The following COL4A3 variants were observed in gnomAD, a reference collection of about 807,000 sequenced individuals.
The protein encoded by COL4A3 is collagen type IV alpha 3 chain.
In COL4A3, 135 loss-of-function variants were observed where a neutral mutation model predicts 217.4. That is an observed-to-expected ratio of 0.62 (90% CI 0.54 to 0.72). The LOEUF is 0.72. COL4A3 is among the 30% of genes least tolerant of loss of function. The probability of loss-of-function intolerance (pLI) is 0.00; values close to 1 mark genes in which losing one functional copy is unlikely to be tolerated. For synonymous variants in COL4A3, 690 were observed against 736.3 expected (o/e 0.94, Z 1.02); for missense variants, 1,868 against 2,119.9 (o/e 0.88, Z 2.33).
chr2:227,215,924 T>C (rs979562551), intron 1 of COL4A3, among the ~76,000 whole-genome samples: 1 of 152,218 alleles, frequency 6.6e-6, no homozygotes, highest in Non-Finnish European at 1.5e-5. Flanking sequence ...GTTTACATGC[T>C]ACAACATAGA....
intron 34 of COL4A3, among the ~76,000 whole-genome samples, chr2:227,285,270 C>T (rs921561016): frequency 3.1e-5 from 2 of 65,074 alleles, no homozygotes; most frequent in Non-Finnish European, 5.8e-5. Flanking sequence ...ACATGTACTG[C>T]CAAACCTAAA....
At chr2:227,173,207 TATC>T (rs1380749508) in intron 1 of COL4A3, among the ~76,000 whole-genome samples, 1 of 152,174 alleles carries the variant, frequency 6.6e-6, no homozygotes, top group Non-Finnish European at 1.5e-5. Context: ...TTAGTTTTAA[TATC>T]ATTTCTATAA....
intron 26 of COL4A3, 94 bp downstream of exon 26, chr2:227,273,211 G>T: frequency 7.6e-7 from 1 of 1,324,428 alleles, no homozygotes; most frequent in East Asian, 2.3e-5. Context: ...GGAAAATATA[G>T]AAACTTGCTT....
intron 51 of COL4A3, 78 bp downstream of exon 51, chr2:227,311,026 C>G (rs989700570): frequency 6.6e-7 from 1 of 1,507,138 alleles, no homozygotes; most frequent in African/African-American, 1.4e-5. Context: ...CTTGGGTCAA[C>G]GAGTAGCCAT....
At chr2:227,287,746 C>T (rs938483937) in intron 34 of COL4A3, among the ~76,000 whole-genome samples, 15 of 152,106 alleles carry the variant, frequency 9.9e-5, no homozygotes, top group African/African-American at 2.9e-4. Context: ...TAAAAAATAC[C>T]ACCTCTTTCA....
chr2:227,184,990 C>T (rs1318094099), intron 1 of COL4A3, among the ~76,000 whole-genome samples: 1 of 149,478 alleles, frequency 6.7e-6, no homozygotes, highest in East Asian at 2.0e-4. Context: ...CAAGCTCCGC[C>T]TCCCAGGTTC....
chr2:227,277,902 A>C (rs967899675), intron 28 of COL4A3, among the ~76,000 whole-genome samples: 1 of 141,416 alleles, frequency 7.1e-6, no homozygotes, highest in Non-Finnish European at 1.5e-5. Context: ...CAGGAGGCTG[A>C]GGCACAAGAC....
At chr2:227,200,521 T>C (rs1000146156) in intron 1 of COL4A3, among the ~76,000 whole-genome samples, 1 of 152,226 alleles carries the variant, frequency 6.6e-6, no homozygotes, top group African/African-American at 2.4e-5. Flanking sequence ...ATAGATGTAA[T>C]AGTTGCCCTA....
chr2:227,296,454 T>C (rs116628473), intron 41 of COL4A3: 17,239 of 954,102 alleles, frequency 0.018, 189 homozygotes, highest in Middle Eastern at 0.046. Context: ...CCTAATTATG[T>C]AAGTGAATGA....
At chr2:227,264,331 T>A (rs1045595937) in intron 21 of COL4A3, among the ~76,000 whole-genome samples, 2 of 151,966 alleles carry the variant, frequency 1.3e-5, no homozygotes, top group Non-Finnish European at 2.9e-5. Flanking sequence ...GGTCAAAGAT[T>A]TCCCCCCAAG....
At chr2:227,290,920 G>T in intron 37 of COL4A3, 34 bp downstream of exon 37, 1 of 1,593,676 alleles carries the variant, frequency 6.3e-7, no homozygotes, top group Non-Finnish European at 8.5e-7. Context: ...ACATTTTAGT[G>T]GTGGAGTGAG....
rs1324365406 is a variant in COL4A3, at chr2:227,202,740, AAAAAAAATAT to A, written c.88-35226_88-35217del. ...AAAGTGCGAGAATCCGTCTCTAAAA[AAAAAAAATAT>A]ATATATATATATATATATATATCAC... On this transcript the variant is annotated intron_variant, in intron 1 of 51. Transcript: ENST00000396578. 1.3e-3 allele frequency among the ~76,000 whole-genome samples: 54 copies of A among 41,762 alleles called. 3 individuals are homozygous for A. The highest frequency in any genetic ancestry group is 6.2e-3 in the Admixed American group (21 of 3,388). The allele number at this position is 41,762 out of a possible 152,430, so 27.4% of individuals were successfully genotyped here.
intron 15 of COL4A3, 78 bp from the exon 16 acceptor site, chr2:227,255,948 A>G: frequency 7.1e-7 from 1 of 1,418,300 alleles, no homozygotes; most frequent in African/African-American, 1.4e-5. Flanking sequence ...GGAGATGATC[A>G]TATCACTTAA....
At chr2:227,219,290 C>A (rs542014074) in intron 1 of COL4A3, among the ~76,000 whole-genome samples, 1 of 152,286 alleles carries the variant, frequency 6.6e-6, no homozygotes, top group South Asian at 2.1e-4. Flanking sequence ...CGTGAGCCAC[C>A]ATGCCAGGCC....
At chr2:227,215,497 C>T (rs539379845) in intron 1 of COL4A3, among the ~76,000 whole-genome samples, 5 of 152,196 alleles carry the variant, frequency 3.3e-5, no homozygotes, top group African/African-American at 9.6e-5. Flanking sequence ...CTCGCTCTGT[C>T]GCCCAGGCTG....
intron 42 of COL4A3, 123 bp downstream of exon 42, chr2:227,297,982 CA>C (rs781224244): frequency 1.8e-6 from 2 of 1,119,420 alleles, no homozygotes; most frequent in Non-Finnish European, 2.6e-6. Flanking sequence ...TCCATTCCCC[CA>C]CTACCTGTGG....
At chr2:227,244,184 T>C (rs1324421725) in intron 3 of COL4A3, 136 bp from the exon 4 acceptor site, 3 of 731,060 alleles carry the variant, frequency 4.1e-6, no homozygotes, top group East Asian at 2.6e-5. Flanking sequence ...AGCAAGCAAT[T>C]GAATCTTATT....
At chr2:227,195,284 G>GA (rs35490706) in intron 1 of COL4A3, among the ~76,000 whole-genome samples, 8 of 61,848 alleles carry the variant, frequency 1.3e-4, no homozygotes, top group Non-Finnish European at 1.6e-4. Flanking sequence ...CCCAAATCCT[G>GA]AAAAAAAAAT....
chr2:227,246,808 C>A, intron 7 of COL4A3, 70 bp downstream of exon 7: 2 of 1,280,500 alleles, frequency 1.6e-6, no homozygotes, highest in Non-Finnish European at 2.3e-6. Flanking sequence ...TCCATATGGC[C>A]ATATACACAA....
Sources: gnomAD v4.1 joint callset for allele counts (sites outside exome capture counted in the v4.1 genomes callset) on GRCh38, gnomAD v4.1.1 for gene constraint, MANE v1.5 for transcripts, NCBI Gene and HGNC (gene_info 2026-07-23, HGNC 2026-07-21) for gene names.